The following NEMF variants were observed in gnomAD, a reference collection of about 807,000 sequenced individuals.
NEMF encodes ribosome quality control complex subunit NEMF.
In NEMF, 89 loss-of-function variants were observed where a neutral mutation model predicts 162.2. The observed-to-expected ratio is 0.55, with a 90% CI of 0.46 to 0.65. The LOEUF (loss-of-function observed/expected upper bound fraction) is 0.65. NEMF is among the 30% of genes least tolerant of loss of function. The probability of loss-of-function intolerance (pLI) is 0.00; values close to 1 mark genes in which losing one functional copy is unlikely to be tolerated. For synonymous variants in NEMF, 421 were observed against 404.5 expected (o/e 1.04, Z -0.49); for missense variants, 1,133 against 1,261.9 (o/e 0.90, Z 1.55).
chr14:49,839,606 C>T (rs1893091281), intron 5 of NEMF: 1 of 152,266 alleles, frequency 6.6e-6, no homozygotes, highest in Admixed American at 6.5e-5. Flanking sequence ...ATTTCTCTCC[C>T]TTTGCCCTCT....
At chr14:49,847,120 G>A (rs766852787) in intron 3 of NEMF, among the ~76,000 whole-genome samples, 63 of 151,768 alleles carry the variant, frequency 4.2e-4, no homozygotes, top group African/African-American at 1.3e-3. Flanking sequence ...TTCTGACCTC[G>A]TGATCCGCCC....
chr14:49,846,409 T>C (rs1258966760), intron 3 of NEMF, 144 bp from the exon 4 acceptor site: 7 of 698,398 alleles, frequency 1.0e-5, no homozygotes, highest in Middle Eastern at 3.2e-4. Flanking sequence ...AGTAATAGAT[T>C]GCAGATGATA....
chr14:49,787,457 C>T (rs938083663), intron 28 of NEMF, among the ~76,000 whole-genome samples: 3 of 151,930 alleles, frequency 2.0e-5, no homozygotes, highest in South Asian at 2.1e-4. Context: ...AGGCCAAGGT[C>T]GGGGGATCCC....
At chr14:49,813,665 GTGTGT>G (rs1891585343) in intron 18 of NEMF, among the ~76,000 whole-genome samples, 165 of 1,464 alleles carry the variant, frequency 0.11, 2 homozygotes, top group Middle Eastern at 0.25. Flanking sequence ...TTTATTAGGT[GTGTGT>G]GTGTGTGTGT....
At chr14:49,832,355 T>C in intron 8 of NEMF, 78 bp from the exon 9 acceptor site, 1 of 965,602 alleles carries the variant, frequency 1.0e-6, no homozygotes, top group Non-Finnish European at 1.6e-6. Context: ...TTTGATACAG[T>C]CGCGCTCGCT....
intron 26 of NEMF, among the ~76,000 whole-genome samples, chr14:49,794,524 C>T (rs771580848): frequency 6.6e-5 from 10 of 150,620 alleles, no homozygotes; most frequent in South Asian, 2.1e-4. Context: ...AGGAGGAATG[C>T]GTGAGCCCAG....
intron 18 of NEMF, among the ~76,000 whole-genome samples, chr14:49,806,601 C>T (rs924831359): frequency 6.6e-6 from 1 of 151,042 alleles, no homozygotes; most frequent in Non-Finnish European, 1.5e-5. Flanking sequence ...TTTTACTTCA[C>T]CATTATAAAA....
chr14:49,809,411 C>T (rs1183367777), intron 18 of NEMF, among the ~76,000 whole-genome samples: 3 of 152,074 alleles, frequency 2.0e-5, no homozygotes, highest in East Asian at 3.8e-4. Flanking sequence ...AGAAGCCAGC[C>T]TTTAAAGATC....
intron 19 of NEMF, among the ~76,000 whole-genome samples, chr14:49,805,316 G>A (rs767253273): frequency 3.3e-4 from 50 of 152,190 alleles, no homozygotes; most frequent in Non-Finnish European, 5.3e-4. Context: ...TCAAAAGTAT[G>A]ATAAGAAATC....
At chr14:49,800,319 G>A (rs1890896164) in intron 23 of NEMF, 101 bp downstream of exon 23, 1 of 903,978 alleles carries the variant, frequency 1.1e-6, no homozygotes, top group Non-Finnish European at 1.6e-6. Flanking sequence ...ACAATGGAGT[G>A]TAAAAGTACT....
At chr14:49,802,764 A>G (rs1891015098) in intron 20 of NEMF, 37 bp from the exon 21 acceptor site, 2 of 1,516,936 alleles carry the variant, frequency 1.3e-6, no homozygotes, top group Admixed American at 2.0e-5. Flanking sequence ...TTTGAAAATC[A>G]GTCTTCTCCA....
intron 15 of NEMF, among the ~76,000 whole-genome samples, chr14:49,826,307 A>G (rs1271374546): frequency 6.6e-6 from 1 of 152,118 alleles, no homozygotes; most frequent in African/African-American, 2.4e-5. Flanking sequence ...AGATGGACAA[A>G]GCCCCCACTC....
intron 3 of NEMF, among the ~76,000 whole-genome samples, chr14:49,851,308 G>T (rs1308214400): frequency 8.5e-5 from 13 of 152,214 alleles, no homozygotes; most frequent in Admixed American, 8.5e-4. Flanking sequence ...GGAACTGTAA[G>T]GCTGAATGTG....
In NEMF at chr14:49,833,465, T is replaced by A; in HGVS notation, c.693A>T (p.Lys231Asn). 6.3e-7 allele frequency: 1 copy of A among 1,587,630 alleles called. No individual in the cohort carries two copies. The highest frequency in any genetic ancestry group is 1.3e-5 in the African/African-American group (1 of 74,762). Residue 231 changes from lysine to asparagine, a missense_variant, in exon 8 of 33, where the codon AAA becomes AAT. Around this residue, in one of 3 missense-constraint regions of NEMF, gnomAD observed 582 missense variants for 631.5 expected, o/e 0.92. Transcript: ENST00000298310. ...DIEKVLVSLQ[K>N]AEDYMKTTSN... is the part of the protein sequence containing the mutation. ...ATGTTGTTTTCATATAGTCTTCTGC[T>A]TTCTGCAGAGAAACAAGTACTTTTT...
Position 49,838,193 on chromosome 14 carries a change from C to A in NEMF, c.520G>T (p.Val174Leu). ...AGTTCACCCTTAGGTGCGCTGGCTACTATTTCAGTCAACCTGTGAAACAAA... is the reference window on the plus strand; with the variant it reads ...AGTTCACCCTTAGGTGCGCTGGCTAATATTTCAGTCAACCTGTGAAACAAA... ...LLTLERLTEI[V>L]ASAPKGELLK... Residue 174 changes from valine to leucine, a missense_variant, in exon 6 of 33, where the codon GTA becomes TTA. Physicochemically the swap from Val to Leu is conservative, Grantham distance 32. Coordinates refer to ENST00000298310, the MANE Select transcript of NEMF (RefSeq NM_004713.6). The A allele has an allele frequency of 6.2e-7, 1 of 1,613,876 alleles. No individual in the cohort carries two copies. Among genetic ancestry groups the A allele is most frequent in the Non-Finnish European group, 8.5e-7 (1 of 1,179,814 alleles).
At chr14:49,824,688 CA>C (rs1892253239) in intron 16 of NEMF, among the ~76,000 whole-genome samples, 2 of 152,156 alleles carry the variant, frequency 1.3e-5, no homozygotes, top group South Asian at 4.2e-4. Context: ...CTCACCCTCC[CA>C]GAGTGCTGAG....
chr14:49,806,908 C>A (rs1438022737), intron 18 of NEMF, among the ~76,000 whole-genome samples: 3 of 152,166 alleles, frequency 2.0e-5, no homozygotes, highest in Non-Finnish European at 4.4e-5. Flanking sequence ...AAATTCACCC[C>A]TTTAAAGTAT....
chr14:49,785,159 T>TA lies in NEMF; in HGVS notation c.3030-25dup, dbSNP rs539583478. 317 of 1,601,338 alleles carry TA rather than the reference T, an allele frequency of 2.0e-4. 2 individuals are homozygous for TA. The African/African-American group carries it at 3.9e-3, about 20-fold the overall frequency. On this transcript the variant is annotated intron_variant, in intron 30 of 32. Transcript: ENST00000298310. ...ATCTTTAAAAAGGAATTACATGTGTTACTAAATAGACGTTACAAAACAATT... is the reference window on the plus strand; with the variant it reads ...ATCTTTAAAAAGGAATTACATGTGTTAACTAAATAGACGTTACAAAACAATT...
intron 18 of NEMF, among the ~76,000 whole-genome samples, chr14:49,813,382 T>G (rs1345640363): frequency 1.3e-5 from 2 of 152,216 alleles, no homozygotes; most frequent in Non-Finnish European, 2.9e-5. Context: ...ATGGTGCTGC[T>G]ATTAAGTAGA....
Sources: allele counts gnomAD v4.1 joint callset (sites outside exome capture counted in the v4.1 genomes callset), GRCh38; gene constraint gnomAD v4.1.1; regional missense constraint gnomAD v4.1.1; transcripts MANE v1.5; gene names NCBI Gene and HGNC (gene_info 2026-07-23, HGNC 2026-07-21).